Variants in SRGAP3 observed in about 807,000 individuals in gnomAD.
The protein encoded by SRGAP3 is SLIT-ROBO Rho GTPase-activating protein 3.
Under a neutral mutation model 121.1 loss-of-function variants are expected in SRGAP3, and 39 were observed. The ratio of observed to expected loss-of-function variants is 0.32; its 90% confidence interval spans 0.25 to 0.42. The LOEUF (loss-of-function observed/expected upper bound fraction) is 0.42, where lower values mean the gene tolerates loss of function less well. Ranked by LOEUF, SRGAP3 falls within the 10% of genes least tolerant of loss-of-function variation. The pLI, the probability that SRGAP3 is intolerant of heterozygous loss-of-function variation, is 1.00. For missense variants in SRGAP3, 1,213 were observed against 1,470.6 expected, an observed-to-expected ratio of 0.82 and a Z score of 2.86; for synonymous variants, 601 against 570.0, an observed-to-expected ratio of 1.05 and a Z score of -0.77.
intron 3 of SRGAP3, among the ~76,000 whole-genome samples, chr3:9,278,515 G>T (rs1954622661): frequency 1.3e-5 from 2 of 152,310 alleles, no homozygotes; most frequent in Non-Finnish European, 2.9e-5. Flanking sequence ...AATAATAACA[G>T]CCCTGTGCTG....
At chr3:9,346,468 T>G (rs573892602) in intron 1 of SRGAP3, among the ~76,000 whole-genome samples, 1 of 152,176 alleles carries the variant, frequency 6.6e-6, no homozygotes, top group Non-Finnish European at 1.5e-5. Context: ...CATTTTTGGT[T>G]GTTATTTTGT....
intron 3 of SRGAP3, among the ~76,000 whole-genome samples, chr3:9,087,119 T>G (rs1045398015): frequency 2.6e-5 from 4 of 152,152 alleles, no homozygotes; most frequent in African/African-American, 9.7e-5. Flanking sequence ...TTTATATGTG[T>G]GTGTGTATAT....
chr3:9,087,076 A>T (rs1328477857), intron 3 of SRGAP3, among the ~76,000 whole-genome samples: 1 of 151,938 alleles, frequency 6.6e-6, no homozygotes, highest in Non-Finnish European at 1.5e-5. Flanking sequence ...AATACACATT[A>T]TATGTATATG....
rs180967077 is a variant in SRGAP3 at position 9,069,270 on chromosome 3, C to T, written c.487-4689G>A. Among the ~76,000 whole-genome samples, 36 of 152,276 alleles carry T rather than the reference C, an allele frequency of 2.4e-4. 1 individual carries two copies. The highest frequency in any genetic ancestry group is 4.4e-4 in the Non-Finnish European group (30 of 68,022). On this transcript the variant is annotated intron_variant, in intron 4 of 21. Transcript: ENST00000383836. ...TAGCTGTGGAGAGGTGTGTCCTCTC[C>T]GTGTCCGCCTGGTGAAGATCAGAAG... is the stretch of plus-strand genomic sequence containing the variant.
chr3:9,362,104 TTCTGACTGGAAGCTAGGCTTCCCAG>T (rs1046718925), intron 1 of SRGAP3, among the ~76,000 whole-genome samples: 2 of 151,956 alleles, frequency 1.3e-5, no homozygotes, highest in African/African-American at 4.8e-5. Flanking sequence ...TGTTTTTGGC[TTCTGACTGGAAGCTAGGCTTCCCAG>T]TCTGTCAAAA....
chr3:9,174,471 G>A (rs1951102410), intron 1 of SRGAP3, among the ~76,000 whole-genome samples: 3 of 152,222 alleles, frequency 2.0e-5, no homozygotes, highest in South Asian at 2.1e-4. Flanking sequence ...AAGGTGGAGG[G>A]AGTAGGGAAG....
intron 3 of SRGAP3, among the ~76,000 whole-genome samples, chr3:9,090,521 T>C (rs1947709490): frequency 6.6e-6 from 1 of 152,248 alleles, no homozygotes; most frequent in South Asian, 2.1e-4. Flanking sequence ...AATCTTGCTC[T>C]GTATGATTTG....
At chr3:9,099,908 A>G (rs1948147555) in intron 3 of SRGAP3, among the ~76,000 whole-genome samples, 1 of 152,214 alleles carries the variant, frequency 6.6e-6, no homozygotes, top group Admixed American at 6.5e-5. Flanking sequence ...AAAATCAAGG[A>G]GCCAAGTAAG....
chr3:9,078,217 C>T (rs986539698), intron 4 of SRGAP3, among the ~76,000 whole-genome samples: 7 of 151,968 alleles, frequency 4.6e-5, no homozygotes, highest in Admixed American at 3.9e-4. Context: ...AGAAGAGGAG[C>T]CCCGCTGGAG....
chr3:9,089,468 C>T (rs993037718), intron 3 of SRGAP3, among the ~76,000 whole-genome samples: 7 of 151,338 alleles, frequency 4.6e-5, no homozygotes, highest in Non-Finnish European at 8.8e-5. Flanking sequence ...TGCAGACACA[C>T]AGTGAAAAAA....
At chr3:9,056,140 C>T in intron 8 of SRGAP3, 93 bp downstream of exon 8, 1 of 1,126,900 alleles carries the variant, frequency 8.9e-7, no homozygotes, top group Non-Finnish European at 1.3e-6. Flanking sequence ...GTGGAACTAT[C>T]ATTTCTTATG....
In SRGAP3 at chr3:9,218,651, ATTAT is replaced by A. The variant is rs2125194079; in HGVS notation, c.67+30230_67+30233del. The A allele has an allele frequency of 6.6e-6, 1 of 151,648 alleles. No individual in the cohort carries two copies. The highest frequency in any genetic ancestry group is 1.5e-5 in the Non-Finnish European group (1 of 67,864). 9.4% of individuals were successfully genotyped at this position (151,648 alleles called of 1,614,324 possible). On this transcript the variant is annotated intron_variant, in intron 1 of 21. Transcript: ENST00000383836. The surrounding 1 kb of genome is among the most constrained non-coding windows in gnomAD (Gnocchi z 5.3). ...TTTTTATCTTTTAATTTTACTTTTT[ATTAT>A]TTATTATTTTTATTTATTTATTTAC...
At chr3:9,134,296 G>A (rs1032804262) in intron 1 of SRGAP3, among the ~76,000 whole-genome samples, 11 of 152,112 alleles carry the variant, frequency 7.2e-5, no homozygotes, top group Admixed American at 5.9e-4. Context: ...TCCTGGGATG[G>A]AGAGGCACCA....
intron 1 of SRGAP3, among the ~76,000 whole-genome samples, chr3:9,155,221 T>G (rs1052165010): frequency 6.6e-6 from 1 of 152,234 alleles, no homozygotes; most frequent in African/African-American, 2.4e-5. Context: ...ATTTTCAGGA[T>G]TCTTCCTAAT....
chr3:9,270,975 T>C (rs890033011), intron 3 of SRGAP3, among the ~76,000 whole-genome samples: 4 of 152,228 alleles, frequency 2.6e-5, no homozygotes, highest in African/African-American at 7.2e-5. Context: ...AGAGGATTTT[T>C]GTTTTGTTTT....
At chr3:8,998,158 G>A (rs1196172656) in intron 18 of SRGAP3, among the ~76,000 whole-genome samples, 8 of 152,152 alleles carry the variant, frequency 5.3e-5, no homozygotes, top group African/African-American at 1.9e-4. Flanking sequence ...CAAAGTGCTG[G>A]GATTACAGGC....
chr3:9,338,649 G>A (rs17802367), intron 1 of SRGAP3, among the ~76,000 whole-genome samples: 12,540 of 152,206 alleles, frequency 0.082, 678 homozygotes, highest in Admixed American at 0.16. Context: ...TCACAAAGAA[G>A]CACTTTTAAT....
chr3:9,112,267 T>C (rs1018478285), intron 2 of SRGAP3, among the ~76,000 whole-genome samples: 1 of 152,196 alleles, frequency 6.6e-6, no homozygotes, highest in African/African-American at 2.4e-5. Context: ...CAGGACCTTC[T>C]CAGGCCTCAC....
intron 4 of SRGAP3, among the ~76,000 whole-genome samples, chr3:9,068,004 C>A (rs1382661621): frequency 2.0e-5 from 3 of 152,132 alleles, no homozygotes; most frequent in Non-Finnish European, 4.4e-5. Flanking sequence ...GCGGCTGTCT[C>A]CAGGACCCCA....
Sources: gnomAD v4.1 joint callset for allele counts (sites outside exome capture counted in the v4.1 genomes callset) on GRCh38, gnomAD v4.1.1 for gene constraint, Gnocchi (gnomAD v3.1) non-coding constraint, MANE v1.5 for transcripts, NCBI Gene and HGNC (gene_info 2026-07-23, HGNC 2026-07-21) for gene names.